The following RBFOX3 variants were observed in gnomAD, a reference collection of about 807,000 sequenced individuals.
The protein encoded by RBFOX3 is RNA binding fox-1 homolog 3, also known as RNA binding protein fox-1 homolog 3.
In RBFOX3, 17 loss-of-function variants were observed where a neutral mutation model predicts 48.7. The ratio of observed to expected loss-of-function variants is 0.35; its 90% confidence interval spans 0.24 to 0.52. The LOEUF (loss-of-function observed/expected upper bound fraction) is 0.52, where lower values mean the gene tolerates loss of function less well. Among genes scored for constraint, RBFOX3 ranks in the 20% least tolerant of loss-of-function variants. The pLI, the probability that RBFOX3 is intolerant of heterozygous loss-of-function variation, is 0.94. For missense variants in RBFOX3, 382 were observed against 497.5 expected (o/e 0.77, Z 2.21); for synonymous variants, 212 against 209.5 (o/e 1.01, Z -0.10).
At position 79,326,419 on chromosome 17, in the gene RBFOX3, A is replaced by G. The variant is rs189705158; in HGVS notation, c.-174-18595T>C. ...TCTTCCTGGTCGCCCATGCACTTTGACACTGATGTGCACAGGGGAAGGGAA... is the reference window on the plus strand; with the variant it reads ...TCTTCCTGGTCGCCCATGCACTTTGGCACTGATGTGCACAGGGGAAGGGAA... On this transcript the variant is annotated intron_variant, in intron 2 of 14. Coordinates refer to ENST00000693108, the MANE Select transcript of RBFOX3 (RefSeq NM_001350451.2). Among the ~76,000 whole-genome samples the G allele has an allele frequency of 5.3e-5, 8 of 152,312 alleles. No individual in the cohort carries two copies. In the East Asian group the frequency reaches 7.7e-4, roughly 15 times the overall value.
intron 5 of RBFOX3, among the ~76,000 whole-genome samples, chr17:79,113,185 G>A (rs551620639): frequency 6.6e-6 from 1 of 152,250 alleles, no homozygotes; most frequent in South Asian, 2.1e-4. Context: ...TGAGCCAGCA[G>A]GGAGGCGTTC....
At chr17:79,309,186 G>T (rs2076502364) in intron 2 of RBFOX3, among the ~76,000 whole-genome samples, 1 of 151,960 alleles carries the variant, frequency 6.6e-6, no homozygotes, top group Admixed American at 6.6e-5. Context: ...AGCCCACTAA[G>T]ACAGAGCCTC....
At chr17:79,139,327 GC>G (rs1321447765) in intron 4 of RBFOX3, among the ~76,000 whole-genome samples, 1 of 152,142 alleles carries the variant, frequency 6.6e-6, no homozygotes, top group Non-Finnish European at 1.5e-5. Flanking sequence ...TGCTATGGAT[GC>G]CTGCATGCCA....
intron 2 of RBFOX3, among the ~76,000 whole-genome samples, chr17:79,402,971 C>G (rs896259332): frequency 2.0e-5 from 3 of 152,172 alleles, no homozygotes; most frequent in African/African-American, 7.2e-5. Flanking sequence ...TCATCAGGAT[C>G]GCCATCAGAT....
intron 1 of RBFOX3, among the ~76,000 whole-genome samples, chr17:79,572,132 G>C (rs1438721559): frequency 6.6e-6 from 1 of 152,098 alleles, no homozygotes; most frequent in Non-Finnish European, 1.5e-5. Context: ...ACTTGCCCAG[G>C]GTCACACAAT....
intron 2 of RBFOX3, among the ~76,000 whole-genome samples, chr17:79,378,485 AGGT>A (rs1568141840): frequency 6.6e-6 from 1 of 152,216 alleles, no homozygotes; most frequent in African/African-American, 2.4e-5. Context: ...GCACTTGCCC[AGGT>A]GTCGGACTCG....
At chr17:79,355,646 T>A (rs1225852295) in intron 2 of RBFOX3, among the ~76,000 whole-genome samples, 1 of 152,110 alleles carries the variant, frequency 6.6e-6, no homozygotes, top group Non-Finnish European at 1.5e-5. Context: ...AGTGGTTTGA[T>A]CTCAGCTCAC....
intron 2 of RBFOX3, among the ~76,000 whole-genome samples, chr17:79,342,255 G>T (rs533712110): frequency 6.6e-6 from 1 of 152,386 alleles, no homozygotes; most frequent in African/African-American, 2.4e-5. Context: ...TTGTCAGGGT[G>T]ACTGCGGCTA....
chr17:79,368,295 G>GGA (rs758537014), intron 2 of RBFOX3, among the ~76,000 whole-genome samples: 4 of 76,672 alleles, frequency 5.2e-5, no homozygotes, highest in Non-Finnish European at 1.1e-4. Flanking sequence ...CAGCAGCTGA[G>GGA]GAGAGACCTC....
intron 4 of RBFOX3, among the ~76,000 whole-genome samples, chr17:79,168,768 T>C (rs1186701883): frequency 1.3e-5 from 2 of 152,220 alleles, no homozygotes; most frequent in Admixed American, 1.3e-4. Context: ...GCCAGTGTGT[T>C]TGGGAACATG....
intron 5 of RBFOX3, among the ~76,000 whole-genome samples, chr17:79,107,763 C>T (rs981942766): frequency 2.0e-5 from 3 of 152,232 alleles, no homozygotes; most frequent in African/African-American, 7.2e-5. Flanking sequence ...TGGATGCAGC[C>T]AAACCGCAGG....
intron 4 of RBFOX3, among the ~76,000 whole-genome samples, chr17:79,167,777 C>A (rs992642041): frequency 6.6e-6 from 1 of 152,230 alleles, no homozygotes; most frequent in South Asian, 2.1e-4. Context: ...GTCCAGGGCA[C>A]CCCGGAGCCG....
intron 1 of RBFOX3, among the ~76,000 whole-genome samples, chr17:79,582,782 C>CAA (rs36155299): frequency 0.038 from 1,769 of 46,808 alleles, 268 homozygotes; most frequent in African/African-American, 0.095. Context: ...GACCCCGTCT[C>CAA]AAAAAAAAAA....
chr17:79,349,503 C>T (rs1373487711), intron 2 of RBFOX3, among the ~76,000 whole-genome samples: 3 of 152,110 alleles, frequency 2.0e-5, no homozygotes, highest in Non-Finnish European at 4.4e-5. Context: ...TATTGAAATT[C>T]TGCTTCTCAG....
intron 2 of RBFOX3, among the ~76,000 whole-genome samples, chr17:79,455,691 A>G (rs1223965645): frequency 2.0e-5 from 3 of 151,932 alleles, no homozygotes; most frequent in Non-Finnish European, 2.9e-5. Flanking sequence ...ACATTCACAG[A>G]CACACATGCC....
At chr17:79,559,114 C>T (rs1319056310) in intron 1 of RBFOX3, among the ~76,000 whole-genome samples, 3 of 152,134 alleles carry the variant, frequency 2.0e-5, no homozygotes, top group Non-Finnish European at 2.9e-5. Flanking sequence ...CAATCTAGCA[C>T]ATTAATTGTT....
upstream of RBFOX3, among the ~76,000 whole-genome samples, chr17:79,614,317 G>A (rs2093986000): frequency 6.6e-6 from 1 of 152,194 alleles, no homozygotes; most frequent in Admixed American, 6.5e-5. Flanking sequence ...TTTCCCTCAC[G>A]GCACCTGTCA....
At chr17:79,414,942 C>G (rs907897) in intron 2 of RBFOX3, among the ~76,000 whole-genome samples, 19 of 152,072 alleles carry the variant, frequency 1.2e-4, no homozygotes, top group Non-Finnish European at 2.4e-4. Flanking sequence ...GTCCAGCTCC[C>G]GTTCCCAGAG....
chr17:79,617,343 G>T, the RBFOX3 span, among the ~76,000 whole-genome samples: 2 of 152,004 alleles, frequency 1.3e-5, no homozygotes. Flanking sequence ...ACCCCTAGAT[G>T]CTCTTCTCTC....
Sources: gnomAD v4.1 joint callset for allele counts (sites outside exome capture counted in the v4.1 genomes callset) on GRCh38, gnomAD v4.1.1 for gene constraint, MANE v1.5 for transcripts, NCBI Gene and HGNC (gene_info 2026-07-23, HGNC 2026-07-21) for gene names.